The following CLEC3B variants were observed in gnomAD, a reference collection of about 807,000 sequenced individuals.
The protein encoded by CLEC3B is tetranectin.
A neutral mutation model predicts 15.4 loss-of-function variants in CLEC3B; 13 were observed. The observed-to-expected ratio is 0.84, with a 90% CI of 0.55 to 1.34. The LOEUF (loss-of-function observed/expected upper bound fraction) is 1.34. Among genes scored for constraint, CLEC3B ranks in the 40% most tolerant of loss-of-function variants. The pLI is 0.00. For synonymous variants in CLEC3B, 112 were observed against 114.7 expected, an observed-to-expected ratio of 0.98 and a Z score of 0.15; for missense variants, 242 against 268.6, an observed-to-expected ratio of 0.90 and a Z score of 0.69.
chr3:45,032,533 A>G (rs989423146), intron 2 of CLEC3B, among the ~76,000 whole-genome samples: 8 of 152,122 alleles, frequency 5.3e-5, no homozygotes, highest in African/African-American at 1.7e-4. Flanking sequence ...TGCTGCCTCC[A>G]CTAGACTATA....
chr3:45,034,804 T>C (rs1276060845), intron 2 of CLEC3B, among the ~76,000 whole-genome samples: 1 of 152,178 alleles, frequency 6.6e-6, no homozygotes, highest in East Asian at 1.9e-4. Context: ...TCTTGCAGTC[T>C]CAGCTCTATC....
chr3:45,031,000 T>C, intron 2 of CLEC3B, 75 bp downstream of exon 2: 1 of 1,036,434 alleles, frequency 9.6e-7, no homozygotes, highest in South Asian at 1.5e-5. Flanking sequence ...GCAATGCTCT[T>C]CTCGCCTCCG....
intron 1 of CLEC3B, among the ~76,000 whole-genome samples, chr3:45,027,350 C>T (rs368905551): frequency 1.3e-5 from 2 of 152,190 alleles, no homozygotes; most frequent in East Asian, 3.9e-4. Context: ...GGACAGTTGC[C>T]CACTGGCCAG....
chr3:45,029,527 G>A (rs1257722127), intron 1 of CLEC3B, among the ~76,000 whole-genome samples: 1 of 152,132 alleles, frequency 6.6e-6, no homozygotes. Context: ...TGCTCATCAG[G>A]GTGTTTTTGC....
chr3:45,030,964 G>A (rs1170314555), intron 2 of CLEC3B, 39 bp downstream of exon 2: 1 of 1,420,426 alleles, frequency 7.0e-7, no homozygotes, highest in Non-Finnish European at 9.7e-7. Context: ...AGGAGCGTCT[G>A]AGAGAAGGGC....
At position 45,030,762 on chromosome 3, in the gene CLEC3B, C is replaced by T. The variant is rs1375062688; in HGVS notation, c.110-65C>T. On this transcript the variant is annotated intron_variant, in intron 1 of 2. Transcript: ENST00000296130. ...GGAGTCTTTTCCTCTCATCCCTCTG[C>T]AGCTAAGGTAGGATCCTTCCTGCTC... 18 of 1,101,290 alleles carry T rather than the reference C, an allele frequency of 1.6e-5. No homozygotes were observed. The East Asian group carries it at 4.4e-4, about 27-fold the overall frequency. The allele number at this position is 1,101,290 out of a possible 1,614,324, so 68.2% of individuals were successfully genotyped here.
chr3:45,029,369 C>T (rs538683441), intron 1 of CLEC3B, among the ~76,000 whole-genome samples: 2 of 152,342 alleles, frequency 1.3e-5, no homozygotes, highest in South Asian at 4.1e-4. Context: ...TTCTTCAGTG[C>T]CCCCTTGCAC....
chr3:45,034,710 C>A (rs1209445668), intron 2 of CLEC3B: 2 of 152,232 alleles, frequency 1.3e-5, no homozygotes, highest in Non-Finnish European at 1.5e-5. Context: ...CAGGCTCAAA[C>A]TGAGAATTTG....
At chr3:45,028,989 C>T (rs1182727100) in intron 1 of CLEC3B, among the ~76,000 whole-genome samples, 1 of 152,200 alleles carries the variant, frequency 6.6e-6, no homozygotes, top group Admixed American at 6.5e-5. Flanking sequence ...AGGATGGCCT[C>T]ATAGGAGTCA....
chr3:45,030,788 A>G (rs768861867), intron 1 of CLEC3B, 39 bp from the exon 2 acceptor site: 5 of 1,422,758 alleles, frequency 3.5e-6, no homozygotes, highest in Non-Finnish European at 4.9e-6. Context: ...CTTCCTGCTC[A>G]GTCCCTGCCC....
intron 1 of CLEC3B, 150 bp downstream of exon 1, chr3:45,026,621 C>G (rs931285078): frequency 3.2e-5 from 22 of 680,240 alleles, no homozygotes; most frequent in Non-Finnish European, 5.4e-5. Flanking sequence ...GGGGAGTTCT[C>G]TCATAGCAGA....
At chr3:45,033,334 T>A (rs1321786919) in intron 2 of CLEC3B, among the ~76,000 whole-genome samples, 1 of 152,176 alleles carries the variant, frequency 6.6e-6, no homozygotes, top group East Asian at 1.9e-4. Context: ...TGTCTGCTGA[T>A]TTCTAGGAAG....
chr3:45,031,012 T>G (rs1038576908), intron 2 of CLEC3B, 87 bp downstream of exon 2: 1 of 919,182 alleles, frequency 1.1e-6, no homozygotes, highest in African/African-American at 1.7e-5. Flanking sequence ...TCGCCTCCGT[T>G]CAGCATCAGG....
At chr3:45,029,055 C>T (rs73085701) in intron 1 of CLEC3B, among the ~76,000 whole-genome samples, 34,917 of 151,966 alleles carry the variant, frequency 0.23, 5,701 homozygotes, top group East Asian at 0.77. Context: ...TCTAACATCA[C>T]GCAGAAGGAA....
At chr3:45,029,672 C>T (rs1697528386) in intron 1 of CLEC3B, among the ~76,000 whole-genome samples, 1 of 152,208 alleles carries the variant, frequency 6.6e-6, no homozygotes, top group East Asian at 1.9e-4. Flanking sequence ...TGTATGCAGA[C>T]ACAGCCAAAT....
In CLEC3B at chr3:45,035,664, C is replaced by G; in HGVS notation, c.349C>G (p.Leu117Val). 1 of 1,613,750 alleles carries G rather than the reference C, an allele frequency of 6.2e-7. No homozygotes were observed. Among genetic ancestry groups the G allele is most frequent in the Non-Finnish European group, 8.5e-7 (1 of 1,180,034 alleles). ...TCAGACTGGCTCGGAGAACGACGCC[C>G]TGTATGAGTACCTGCGCCAGAGCGT... is the stretch of plus-strand genomic sequence containing the variant. ...TPQTGSENDA[L>V]YEYLRQSVGN... The change falls in exon 3 of 3, where the codon CTG becomes GTG. Residue 117 changes from leucine (L) to valine (V), a missense_variant. Leu to Val is a conservative substitution (Grantham distance 32, BLOSUM62 1). Transcript: ENST00000296130.
At chr3:45,028,061 G>A (rs939135837) in intron 1 of CLEC3B, among the ~76,000 whole-genome samples, 3 of 152,174 alleles carry the variant, frequency 2.0e-5, no homozygotes, top group Non-Finnish European at 2.9e-5. Context: ...CAACAGAACA[G>A]CCACCCAGGC....
chr3:45,027,312 TTAGGCCCTCCCGGGGCTCTTC>T (rs1406705725), intron 1 of CLEC3B, among the ~76,000 whole-genome samples: 2 of 152,206 alleles, frequency 1.3e-5, no homozygotes, highest in African/African-American at 4.8e-5. Flanking sequence ...GGGGCCTCCC[TTAGGCCCTCCCGGGGCTCTTC>T]ATAAATGGAC....
At chr3:45,033,290 T>C (rs4683028) in intron 2 of CLEC3B, among the ~76,000 whole-genome samples, 35,163 of 152,094 alleles carry the variant, frequency 0.23, 5,825 homozygotes, top group East Asian at 0.78. Context: ...TCATGACATA[T>C]GGAGGCCCAA....
Sources: gnomAD v4.1 joint callset for allele counts (sites outside exome capture counted in the v4.1 genomes callset) on GRCh38, gnomAD v4.1.1 for gene constraint, MANE v1.5 for transcripts, NCBI Gene and HGNC (gene_info 2026-07-23, HGNC 2026-07-21) for gene names.